The following ZNF486 variants were observed in gnomAD, a reference collection of about 807,000 sequenced individuals.
The protein encoded by ZNF486 is zinc finger protein 486, also known as KRAB box only protein 2.
ZNF486 carries 12 observed loss-of-function variants against 12.8 expected under a neutral mutation model. That is an observed-to-expected ratio of 0.94 (90% confidence interval 0.60 to 1.52). The LOEUF is 1.52. ZNF486 is among the 40% of genes most tolerant of loss of function. The pLI is 0.00. For synonymous variants in ZNF486, 231 were observed against 184.9 expected, an observed-to-expected ratio of 1.25 and a Z score of -2.02; for missense variants, 738 against 545.0, an observed-to-expected ratio of 1.35 and a Z score of -3.53.
At chr19:20,178,670 C>G (rs28856269) in intron 1 of ZNF486, among the ~76,000 whole-genome samples, 151 of 152,338 alleles carry the variant, frequency 9.9e-4, no homozygotes, top group African/African-American at 3.6e-3. Context: ...TCAATTCACA[C>G]TTGTGCAGCA....
intron 1 of ZNF486, among the ~76,000 whole-genome samples, chr19:20,178,855 C>T (rs1599702846): frequency 6.6e-6 from 1 of 152,330 alleles, no homozygotes; most frequent in Non-Finnish European, 1.5e-5. Flanking sequence ...GAAACAGATT[C>T]AGAGACCATG....
At chr19:20,172,834 G>T (rs2089664452) in intron 1 of ZNF486, among the ~76,000 whole-genome samples, 1 of 151,446 alleles carries the variant, frequency 6.6e-6, no homozygotes, top group African/African-American at 2.4e-5. Flanking sequence ...GTAGAGACGA[G>T]GTTTCACCCT....
At chr19:20,184,571 G>A in intron 2 of ZNF486, 89 bp downstream of exon 2, 1 of 1,373,394 alleles carries the variant, frequency 7.3e-7, no homozygotes, top group Non-Finnish European at 9.7e-7. Context: ...TTTATCCTTT[G>A]CATAAAAGAG....
chr19:20,172,530 C>T (rs2089659890), intron 1 of ZNF486, among the ~76,000 whole-genome samples: 1 of 152,062 alleles, frequency 6.6e-6, no homozygotes, highest in Non-Finnish European at 1.5e-5. Flanking sequence ...AACTCCTGTC[C>T]TCAAGTGTTC....
chr19:20,182,873 A>C (rs1466401007), intron 1 of ZNF486, among the ~76,000 whole-genome samples: 1 of 152,144 alleles, frequency 6.6e-6, no homozygotes, highest in East Asian at 1.9e-4. Context: ...AGAGAATCTC[A>C]TCTGAGAAGG....
chr19:20,175,538 T>C (rs368297601), intron 1 of ZNF486, among the ~76,000 whole-genome samples: 1,644 of 150,816 alleles, frequency 0.011, 17 homozygotes, highest in African/African-American at 0.032. Flanking sequence ...TGACTCTTAA[T>C]GAGCATGCTG....
intron 3 of ZNF486, among the ~76,000 whole-genome samples, chr19:20,188,217 T>A (rs958575758): frequency 6.6e-6 from 1 of 152,168 alleles, no homozygotes; most frequent in African/African-American, 2.4e-5. Flanking sequence ...TAGTCTTTTT[T>A]TTCACCATGT....
chr19:20,169,948 T>G (rs1447251386), intron 1 of ZNF486, among the ~76,000 whole-genome samples: 2 of 146,344 alleles, frequency 1.4e-5, no homozygotes, highest in African/African-American at 5.2e-5. Flanking sequence ...TGGAGTGCAG[T>G]GGCGCGATCT....
intron 1 of ZNF486, among the ~76,000 whole-genome samples, chr19:20,180,908 T>C (rs1444357434): frequency 1.3e-5 from 2 of 152,154 alleles, no homozygotes; most frequent in African/African-American, 4.8e-5. Flanking sequence ...AAGGGATTTG[T>C]TTAAATTGTG....
In ZNF486 at chr19:20,194,961, C is replaced by T. The variant is rs183525084; in HGVS notation, c.254-2003C>T. Among the ~76,000 whole-genome samples the T allele has an allele frequency of 1.9e-4, 29 of 151,790 alleles. No individual in the cohort carries two copies. In the East Asian group the frequency reaches 3.3e-3, roughly 17 times the overall value. On this transcript the variant is annotated intron_variant, in intron 3 of 3. Transcript: ENST00000335117. ...CAGTTTTTTATATTTTTTATATCCACGATTTTCGGTTTTTTGGTATTTTAG... is the reference window on the plus strand; with the variant it reads ...CAGTTTTTTATATTTTTTATATCCATGATTTTCGGTTTTTTGGTATTTTAG...
rs782122798 is a variant in ZNF486, at chr19:20,197,950, G to A, written c.1240G>A (p.Ala414Thr). The change falls in exon 4 of 4, where the codon GCG becomes ACG. Residue 414 changes from alanine to threonine, a missense_variant. Ala to Thr is a moderately conservative substitution (Grantham distance 58). Transcript: ENST00000335117. Reference sequence around the variant, plus strand: ...CTACAAATGTGAAGAATGTGGCAAAGCGTATACTACATCCTCAAATCTAAC... The same window carrying A: ...CTACAAATGTGAAGAATGTGGCAAAACGTATACTACATCCTCAAATCTAAC... ...KPYKCEECGKAYTTSSNLTEH... is the reference protein window; with the variant it reads ...KPYKCEECGKTYTTSSNLTEH... The A allele has an allele frequency of 2.8e-5, 45 of 1,613,560 alleles. No individual in the cohort carries two copies. The highest frequency in any genetic ancestry group is 3.6e-5 in the Non-Finnish European group (42 of 1,179,786).
At chr19:20,192,991 G>A (rs2089916820) in intron 3 of ZNF486, among the ~76,000 whole-genome samples, 1 of 151,738 alleles carries the variant, frequency 6.6e-6, no homozygotes, top group African/African-American at 2.4e-5. Context: ...CTCATCTCCT[G>A]TTTTACTTTC....
intron 1 of ZNF486, among the ~76,000 whole-genome samples, chr19:20,180,943 C>A (rs1291101314): frequency 6.6e-6 from 1 of 152,090 alleles, no homozygotes; most frequent in Non-Finnish European, 1.5e-5. Flanking sequence ...ATAAAGTTGA[C>A]AGGGCAGTGG....
At chr19:20,185,879 G>A in intron 2 of ZNF486, 108 bp from the exon 3 acceptor site, 1 of 534,924 alleles carries the variant, frequency 1.9e-6, no homozygotes, top group Non-Finnish European at 2.9e-6. Flanking sequence ...TAGTATTTTG[G>A]TATTAATTTA....
intron 1 of ZNF486, among the ~76,000 whole-genome samples, chr19:20,169,328 C>G (rs1021300601): frequency 2.0e-5 from 3 of 152,204 alleles, no homozygotes; most frequent in Non-Finnish European, 4.4e-5. Flanking sequence ...AGGCTGGTCT[C>G]TAACTCCCAA....
In ZNF486 at chr19:20,185,802, CA is replaced by C. The variant is rs58776855; in HGVS notation, c.158-171del. Among the ~76,000 whole-genome samples the C allele has an allele frequency of 6.8e-3, 798 of 116,766 alleles. 2 individuals are homozygous for C. Among genetic ancestry groups the C allele is most frequent in the East Asian group, 0.015 (57 of 3,844 alleles). The allele number at this position is 116,766 out of a possible 152,430, so 76.6% of individuals were successfully genotyped here. ...CTTTTTACTTATTTTACTCCATCTCCAAAAAAAAAAAAAAGAAACCTTAAAG... is the reference window on the plus strand; with the variant it reads ...CTTTTTACTTATTTTACTCCATCTCCAAAAAAAAAAAAAGAAACCTTAAAG... On this transcript the variant is annotated intron_variant, in intron 2 of 3. Transcript: ENST00000335117.
chr19:20,196,054 T>G (rs1216378359), intron 3 of ZNF486, among the ~76,000 whole-genome samples: 1 of 152,238 alleles, frequency 6.6e-6, no homozygotes, highest in African/African-American at 2.4e-5. Context: ...AGTCTCATTC[T>G]GTTACCTAGT....
intron 1 of ZNF486, among the ~76,000 whole-genome samples, chr19:20,170,472 C>G (rs1555713740): frequency 6.6e-6 from 1 of 151,678 alleles, no homozygotes; most frequent in African/African-American, 2.4e-5. Context: ...GAGGCTGAGG[C>G]AGGAGAATTG....
chr19:20,183,090 C>A (rs1028946765), intron 1 of ZNF486, among the ~76,000 whole-genome samples: 2 of 152,160 alleles, frequency 1.3e-5, no homozygotes, highest in South Asian at 2.1e-4. Flanking sequence ...AAAAATATTT[C>A]TTTCCTATAT....
Sources: allele counts gnomAD v4.1 joint callset (sites outside exome capture counted in the v4.1 genomes callset), GRCh38; gene constraint gnomAD v4.1.1; transcripts MANE v1.5; gene names NCBI Gene and HGNC (gene_info 2026-07-23, HGNC 2026-07-21).